TRPS1: variants seen among roughly 807,000 people sequenced by gnomAD.
TRPS1 encodes the protein zinc finger transcription factor Trps1.
A neutral mutation model predicts 101.2 loss-of-function variants in TRPS1; 6 were observed. That is an observed-to-expected ratio of 0.06 (90% CI 0.03 to 0.12). The LOEUF (loss-of-function observed/expected upper bound fraction) is 0.12, where lower values mean the gene tolerates loss of function less well. TRPS1 is among the 10% of genes least tolerant of loss of function. TRPS1 has a pLI of 1.00. For synonymous variants in TRPS1, 578 were observed against 589.8 expected (o/e 0.98, Z 0.29); for missense variants, 1,363 against 1,567.0 (o/e 0.87, Z 2.20).
intron 5 of TRPS1, among the ~76,000 whole-genome samples, chr8:115,507,991 A>C (rs552077151): frequency 1.3e-5 from 2 of 152,224 alleles, no homozygotes; most frequent in East Asian, 3.9e-4. Context: ...TCCTTGAAAA[A>C]AATGCTAACA....
At chr8:115,559,839 T>C (rs913909418) in intron 5 of TRPS1, among the ~76,000 whole-genome samples, 20 of 152,078 alleles carry the variant, frequency 1.3e-4, no homozygotes, top group Non-Finnish European at 1.3e-4. Flanking sequence ...AATCATCAAG[T>C]TGTTGACTTC....
chr8:115,557,722 A>G (rs1816855986), intron 5 of TRPS1, among the ~76,000 whole-genome samples: 1 of 152,146 alleles, frequency 6.6e-6, no homozygotes, highest in Non-Finnish European at 1.5e-5. Context: ...CCAGTCTTGG[A>G]TATTTCTTCA....
At chr8:115,424,786 A>G (rs1457962192) in intron 5 of TRPS1, among the ~76,000 whole-genome samples, 1 of 152,196 alleles carries the variant, frequency 6.6e-6, no homozygotes, top group Non-Finnish European at 1.5e-5. Context: ...TATCAATCAC[A>G]TTGTTCTATT....
At chr8:115,551,096 G>T (rs1374826524) in intron 5 of TRPS1, among the ~76,000 whole-genome samples, 1 of 152,014 alleles carries the variant, frequency 6.6e-6, no homozygotes, top group Non-Finnish European at 1.5e-5. Context: ...AATTTAACAG[G>T]CACAACACTG....
intron 1 of TRPS1, among the ~76,000 whole-genome samples, chr8:115,627,628 G>A (rs1021219154): frequency 2.0e-5 from 3 of 151,790 alleles, no homozygotes; most frequent in Admixed American, 2.0e-4. Flanking sequence ...GTGCTTTGTA[G>A]GAATGTCTTT....
At chr8:115,471,081 AT>A (rs1814457518) in intron 5 of TRPS1, among the ~76,000 whole-genome samples, 3 of 152,286 alleles carry the variant, frequency 2.0e-5, no homozygotes, top group Non-Finnish European at 2.9e-5. Context: ...GCAGAGTGTG[AT>A]GCAATTTCAT....
At chr8:115,475,265 G>GTT (rs1235211599) in intron 5 of TRPS1, among the ~76,000 whole-genome samples, 12 of 75,894 alleles carry the variant, frequency 1.6e-4, no homozygotes, top group Admixed American at 5.1e-4. Flanking sequence ...TTGAATCACA[G>GTT]TTATATATAT....
Position 115,668,641 on chromosome 8 carries a change from C to T in TRPS1, c.-218G>A, listed in dbSNP as rs1366047467. 1.3e-5 allele frequency: 2 copies of T among 151,644 alleles called. No individual in the cohort carries two copies. Among genetic ancestry groups the T allele is most frequent in the African/African-American group, 4.9e-5 (2 of 41,124 alleles). 9.4% of individuals were successfully genotyped at this position (151,644 alleles called of 1,614,324 possible). A position where few individuals can be genotyped will look rare whatever the true frequency, so the allele number is the denominator to read the frequency against. On this transcript the variant is annotated 5_prime_UTR_variant, in exon 1 of 7. Transcript: ENST00000395715. Reference sequence around the variant, plus strand: ...GTCTTCTGTTGTTTGCAGAGTTGATCTTGGATTATTGCGGGGGGGAGAGAA... The same window carrying T: ...GTCTTCTGTTGTTTGCAGAGTTGATTTTGGATTATTGCGGGGGGGAGAGAA...
At chr8:115,498,415 C>CTCTATA (rs1486361297) in intron 5 of TRPS1, among the ~76,000 whole-genome samples, 16 of 39,312 alleles carry the variant, frequency 4.1e-4, no homozygotes, top group East Asian at 9.6e-4. Flanking sequence ...CTCTCTCTCT[C>CTCTATA]TATATATATA....
chr8:115,562,509 GAAAAAA>G (rs778929983), intron 5 of TRPS1, among the ~76,000 whole-genome samples: 1 of 117,170 alleles, frequency 8.5e-6, no homozygotes, highest in Non-Finnish European at 1.8e-5. Flanking sequence ...TGATTGCCAG[GAAAAAA>G]AAAAAAAAAG....
intron 5 of TRPS1, among the ~76,000 whole-genome samples, chr8:115,524,196 C>T (rs540484067): frequency 1.3e-5 from 2 of 152,118 alleles, no homozygotes; most frequent in African/African-American, 4.8e-5. Flanking sequence ...TTGGCTTTAA[C>T]TGGTCGCTTT....
intron 5 of TRPS1, among the ~76,000 whole-genome samples, chr8:115,499,952 T>C (rs1438406332): frequency 3.8e-5 from 2 of 52,460 alleles, no homozygotes; most frequent in Non-Finnish European, 7.9e-5. Flanking sequence ...TCTTTCTTTC[T>C]TTCTTTCTTT....
At chr8:115,476,615 C>A (rs1814613836) in intron 5 of TRPS1, among the ~76,000 whole-genome samples, 1 of 152,158 alleles carries the variant, frequency 6.6e-6, no homozygotes, top group South Asian at 2.1e-4. Flanking sequence ...ACAAGTAATT[C>A]TGATTGAAAA....
chr8:115,549,682 A>G (rs1264846737), intron 5 of TRPS1, among the ~76,000 whole-genome samples: 2 of 151,804 alleles, frequency 1.3e-5, no homozygotes, highest in Admixed American at 1.3e-4. Context: ...AAAAAAAAAA[A>G]AAAAAACGCT....
chr8:115,564,992 C>T (rs1817033560), intron 5 of TRPS1, among the ~76,000 whole-genome samples: 1 of 152,120 alleles, frequency 6.6e-6, no homozygotes, highest in Non-Finnish European at 1.5e-5. Context: ...TATATAGGGG[C>T]TTCGAATAAA....
At chr8:115,610,680 A>G (rs1818142306) in intron 3 of TRPS1, among the ~76,000 whole-genome samples, 1 of 152,180 alleles carries the variant, frequency 6.6e-6, no homozygotes, top group African/African-American at 2.4e-5. Context: ...CTCATTATGC[A>G]GATTTTTATT....
rs1316599674 is a variant in TRPS1, at chr8:115,619,214, A to C, written c.884T>G (p.Val295Gly). 2 of 1,614,050 alleles carry C rather than the reference A, an allele frequency of 1.2e-6. No individual in the cohort carries two copies. The highest frequency in any genetic ancestry group is 1.7e-6 in the Non-Finnish European group (2 of 1,180,030). Reference protein sequence around the residue: ...QFSHSKDFQKVNRSVFSGVLQ... With the variant: ...QFSHSKDFQKGNRSVFSGVLQ... The stretch of plus-strand genomic sequence containing the variant: ...CACACCAGAAAACACAGAACGGTTG[A>C]CCTTCTGGAAGTCTTTGGAATGGCT... The change falls in exon 3 of 7, where the codon GTC becomes GGC. Residue 295 changes from valine to glycine, a missense_variant. Around this residue, in one of 5 missense-constraint regions of TRPS1, gnomAD observed 1,020 missense variants for 1,073.0 expected, o/e 0.95. Transcript: ENST00000395715.
At chr8:115,521,692 T>G (rs938676263) in intron 5 of TRPS1, among the ~76,000 whole-genome samples, 1 of 151,906 alleles carries the variant, frequency 6.6e-6, no homozygotes, top group Non-Finnish European at 1.5e-5. Context: ...ATTTAAAAAA[T>G]TTAAATGTGC....
intron 5 of TRPS1, among the ~76,000 whole-genome samples, chr8:115,575,013 G>C (rs1003859226): frequency 6.6e-6 from 1 of 152,046 alleles, no homozygotes; most frequent in Non-Finnish European, 1.5e-5. Flanking sequence ...CTGTTTCTCA[G>C]GAGTCTATAT....
Sources: gnomAD v4.1 joint callset for allele counts (sites outside exome capture counted in the v4.1 genomes callset) on GRCh38, gnomAD v4.1.1 for gene constraint, gnomAD v4.1.1 regional missense constraint, MANE v1.5 for transcripts, NCBI Gene and HGNC (gene_info 2026-07-23, HGNC 2026-07-21) for gene names.